CEP85L: variants seen among roughly 807,000 people sequenced by gnomAD.
CEP85L encodes centrosomal protein of 85 kDa-like.
CEP85L carries 60 observed loss-of-function variants against 100.3 expected under a neutral mutation model. The observed-to-expected ratio is 0.60, with a 90% confidence interval of 0.49 to 0.74. CEP85L has a LOEUF of 0.74. CEP85L is among the 30% of genes least tolerant of loss of function. The pLI is 0.00. For synonymous variants in CEP85L, 319 were observed against 322.7 expected, an observed-to-expected ratio of 0.99 and a Z score of 0.12; for missense variants, 973 against 936.2, an observed-to-expected ratio of 1.04 and a Z score of -0.51.
intron 1 of CEP85L, among the ~76,000 whole-genome samples, chr6:118,677,348 G>A (rs1203428810): frequency 6.6e-6 from 1 of 152,146 alleles, no homozygotes; most frequent in African/African-American, 2.4e-5. Context: ...TGAGAAGGGG[G>A]CGAGCTGTAC....
intron 2 of CEP85L, among the ~76,000 whole-genome samples, chr6:118,604,880 GTCTT>G (rs1772078353): frequency 1.3e-5 from 2 of 152,104 alleles, no homozygotes; most frequent in South Asian, 4.2e-4. Context: ...TTTTAAAACT[GTCTT>G]TATTTCCAAA....
intron 12 of CEP85L, among the ~76,000 whole-genome samples, chr6:118,466,624 C>T (rs1356668208): frequency 6.6e-6 from 1 of 152,094 alleles, no homozygotes; most frequent in Non-Finnish European, 1.5e-5. Flanking sequence ...TTTGAGAAAC[C>T]TCAAGAAAAT....
intron 2 of CEP85L, among the ~76,000 whole-genome samples, chr6:118,569,500 A>T (rs957013757): frequency 1.6e-4 from 24 of 151,260 alleles, no homozygotes; most frequent in African/African-American, 3.4e-4. Context: ...TAAAAATAAA[A>T]AAATAAAAAA....
At chr6:118,494,931 T>C (rs1774824032) in intron 5 of CEP85L, among the ~76,000 whole-genome samples, 1 of 152,110 alleles carries the variant, frequency 6.6e-6, no homozygotes, top group Non-Finnish European at 1.5e-5. Context: ...GTAGACAGTA[T>C]ACAAGAACAT....
Position 118,483,708 on chromosome 6 carries a change from G to A in CEP85L, c.1588C>T (p.Gln530Ter), listed in dbSNP as rs1773963716. The A allele has an allele frequency of 6.2e-7, 1 of 1,609,450 alleles. No homozygotes were observed. Among genetic ancestry groups the A allele is most frequent in the Non-Finnish European group, 8.5e-7 (1 of 1,178,572 alleles). ...ATAAGCATTTTATTTCATGTTACCT[G>A]TAGACTCTGACTCTGTACATCATCT... ...TLDDVQSQSL[Q>*]LQILEEKNKN... The change falls in exon 7 of 13, where the codon CAG becomes TAG. Residue 530 changes from glutamine (Q) to a stop codon, truncating the protein, a stop_gained and splice_region_variant. Coordinates refer to ENST00000368491, the MANE Select transcript of CEP85L (RefSeq NM_001042475.3). LOFTEE classifies it high-confidence loss of function.
rs754501902 is a variant in CEP85L, at chr6:118,661,767, T to A, written c.-27-8959A>T. On this transcript the variant is annotated intron_variant, in intron 1 of 13. Transcript: ENST00000368488. ...CAATAAAATATTTTGATATAGAATA[T>A]TCAGGGAAAAAATAGAGAAGGAAGA... Among the ~76,000 whole-genome samples the A allele has an allele frequency of 1.2e-4, 19 of 152,288 alleles. 1 individual carries two copies. Among genetic ancestry groups the A allele is most frequent in the South Asian group, 1.0e-3 (5 of 4,830 alleles).
chr6:118,655,259 C>T (rs906257390), upstream of CEP85L, among the ~76,000 whole-genome samples: 2 of 152,134 alleles, frequency 1.3e-5, no homozygotes, highest in South Asian at 4.1e-4. Context: ...GTACCTTTGA[C>T]TCCAGAGTTG....
At chr6:118,595,703 T>A (rs1781427942) in intron 2 of CEP85L, among the ~76,000 whole-genome samples, 1 of 152,242 alleles carries the variant, frequency 6.6e-6, no homozygotes, top group African/African-American at 2.4e-5. Context: ...AAGGTATATT[T>A]GTCAACTCCC....
At position 118,524,279 on chromosome 6, in the gene CEP85L, C is replaced by G. The variant is rs570513264; in HGVS notation, c.1021-359G>C. 4.6e-5 allele frequency among the ~76,000 whole-genome samples: 7 copies of G among 152,160 alleles called. No individual in the cohort carries two copies. In the South Asian group the frequency reaches 1.5e-3, roughly 32 times the overall value. ...CTAATACGGTGAAACCCCATCTCTA[C>G]TAAAAATACAAAAAATTAGCCAGGC... is the stretch of plus-strand genomic sequence containing the variant. On this transcript the variant is annotated intron_variant, in intron 3 of 12. Coordinates refer to ENST00000368491, the MANE Select transcript of CEP85L (RefSeq NM_001042475.3).
chr6:118,485,650 A>G (rs1774129876), intron 6 of CEP85L, among the ~76,000 whole-genome samples: 1 of 152,208 alleles, frequency 6.6e-6, no homozygotes. Context: ...ATGAGGCCCA[A>G]AGATCTTTAG....
intron 1 of CEP85L, among the ~76,000 whole-genome samples, chr6:118,638,380 T>A (rs1020004393): frequency 2.6e-5 from 4 of 152,058 alleles, no homozygotes; most frequent in African/African-American, 9.7e-5. Flanking sequence ...TCTAATCTTT[T>A]AATTTAAACT....
At chr6:118,614,897 T>C (rs927740531) in intron 2 of CEP85L, among the ~76,000 whole-genome samples, 13 of 151,718 alleles carry the variant, frequency 8.6e-5, no homozygotes, top group African/African-American at 2.9e-4. Flanking sequence ...GATAGATAGA[T>C]AGATAGATAG....
chr6:118,663,002 A>T (rs770439515), intron 1 of CEP85L, among the ~76,000 whole-genome samples: 2 of 152,174 alleles, frequency 1.3e-5, no homozygotes, highest in Non-Finnish European at 2.9e-5. Context: ...CAGGGGTTAT[A>T]TATTTTTTCT....
intron 1 of CEP85L, among the ~76,000 whole-genome samples, chr6:118,644,878 C>T (rs1013907521): frequency 6.6e-6 from 1 of 152,216 alleles, no homozygotes; most frequent in African/African-American, 2.4e-5. Context: ...ACAATTTCTT[C>T]TTCCACAGAA....
chr6:118,566,121 G>T lies in CEP85L; in HGVS notation c.428C>A (p.Ser143Tyr). 6.2e-7 allele frequency: 1 copy of T among 1,614,182 alleles called. No homozygotes were observed. Among genetic ancestry groups the T allele is most frequent in the Non-Finnish European group, 8.5e-7 (1 of 1,180,032 alleles). Residue 143 changes from serine to tyrosine, a missense_variant, in exon 3 of 13, where the codon TCT becomes TAT. Transcript: ENST00000368491. Reference sequence around the variant, plus strand: ...CCGGAAGTCCTTCATGTCTAGGGAAGAGTCCTGCTCCCCCCTACTGTGGTT... The same window carrying T: ...CCGGAAGTCCTTCATGTCTAGGGAATAGTCCTGCTCCCCCCTACTGTGGTT... ...LGNHSRGEQD[S>Y]SLDMKDFRPL...
intron 2 of CEP85L, among the ~76,000 whole-genome samples, chr6:118,616,130 T>C (rs1470493629): frequency 2.0e-5 from 3 of 152,036 alleles, no homozygotes; most frequent in African/African-American, 7.2e-5. Flanking sequence ...TGAGAAAATA[T>C]CTTCAAGATG....
chr6:118,641,467 C>T (rs1172530632), intron 1 of CEP85L, among the ~76,000 whole-genome samples: 1 of 152,128 alleles, frequency 6.6e-6, no homozygotes, highest in Non-Finnish European at 1.5e-5. Flanking sequence ...TAATATTTAA[C>T]ATACAGGTTA....
chr6:118,667,000 G>T (rs1278595968), intron 1 of CEP85L, among the ~76,000 whole-genome samples: 1 of 152,136 alleles, frequency 6.6e-6, no homozygotes, highest in Non-Finnish European at 1.5e-5. Flanking sequence ...TTAATTAGTT[G>T]CCACAAATTC....
Position 118,483,757 on chromosome 6 carries a change from C to T in CEP85L, c.1539G>A (p.Lys513=). 6.2e-7 allele frequency: 1 copy of T among 1,613,852 alleles called. No homozygotes were observed. The change falls in exon 7 of 13, where the codon AAG becomes AAA. Residue 513 remains lysine (K), a synonymous_variant. Transcript: ENST00000368491. ...EKQRRIETLE[K]YLADLPTLDD... is the part of the protein sequence containing the mutation. ...CTAGAGTTGGAAGATCAGCCAGATACTTTTCCAAGGTCTCAATTCTTCTCT... is the reference window on the plus strand; with the variant it reads ...CTAGAGTTGGAAGATCAGCCAGATATTTTTCCAAGGTCTCAATTCTTCTCT...
Sources: allele counts gnomAD v4.1 joint callset (sites outside exome capture counted in the v4.1 genomes callset), GRCh38; gene constraint gnomAD v4.1.1; transcripts MANE v1.5; gene names NCBI Gene and HGNC (gene_info 2026-07-23, HGNC 2026-07-21).